Variants in KNTC1 observed in about 807,000 individuals in gnomAD.
KNTC1 encodes kinetochore-associated protein 1.
In KNTC1, 253 loss-of-function variants were observed where a neutral mutation model predicts 314.4. The ratio of observed to expected loss-of-function variants is 0.80; its 90% CI spans 0.73 to 0.89. KNTC1 has a LOEUF of 0.89. Ranked by LOEUF, KNTC1 falls within the 40% of genes least tolerant of loss-of-function variation. KNTC1 has a pLI of 0.00. For missense variants in KNTC1, 2,475 were observed against 2,572.9 expected (o/e 0.96, Z 0.82); for synonymous variants, 901 against 901.4 (o/e 1.00, Z 0.01).
intron 3 of KNTC1, among the ~76,000 whole-genome samples, chr12:122,536,328 A>G (rs544159322): frequency 6.6e-6 from 1 of 150,396 alleles, no homozygotes; most frequent in Non-Finnish European, 1.5e-5. Context: ...CCAGGGTCCA[A>G]GCAATTCTCC....
intron 43 of KNTC1, among the ~76,000 whole-genome samples, chr12:122,594,649 C>G (rs1870782532): frequency 6.6e-6 from 1 of 152,192 alleles, no homozygotes; most frequent in Non-Finnish European, 1.5e-5. Context: ...CTGGGCCTCT[C>G]TGGCAGTTCT....
chr12:122,596,657 A>G (rs2138079280), intron 43 of KNTC1, among the ~76,000 whole-genome samples: 1 of 152,156 alleles, frequency 6.6e-6, no homozygotes, highest in South Asian at 2.1e-4. Context: ...CCTTGGTGAC[A>G]TAGTGAGAGC....
intron 44 of KNTC1, among the ~76,000 whole-genome samples, chr12:122,601,322 T>TG (rs1223564582): frequency 2.0e-5 from 3 of 152,142 alleles, no homozygotes; most frequent in African/African-American, 4.8e-5. Flanking sequence ...CCTGACCTCG[T>TG]GATCCACCCG....
rs769352525 is a variant in KNTC1, at chr12:122,586,743, G to A, written c.3716G>A (p.Cys1239Tyr). Residue 1239 changes from cysteine to tyrosine, a missense_variant, in exon 38 of 64, where the codon TGC becomes TAC. Cys to Tyr is a radical substitution (Grantham distance 194). Coordinates refer to ENST00000333479, the MANE Select transcript of KNTC1 (RefSeq NM_014708.6). ...YPLESTSLPY[C>Y]SLNEGDGLVL... ...TTGGAGTCTACCAGTTTGCCATACT[G>A]CTCCCTTAATGAAGGTATTTGGCAC... The A allele has an allele frequency of 7.6e-6, 11 of 1,456,750 alleles. No individual in the cohort carries two copies. The African/African-American group carries it at 8.6e-5, about 11-fold the overall frequency. The allele number at this position is 1,456,750 out of a possible 1,614,324, so 90.2% of individuals were successfully genotyped here.
At chr12:122,535,337 A>G (rs566734502) in intron 3 of KNTC1, among the ~76,000 whole-genome samples, 3 of 152,160 alleles carry the variant, frequency 2.0e-5, no homozygotes, top group Admixed American at 2.0e-4. Context: ...CAGCCTGGCC[A>G]ACATGGTGAA....
In KNTC1 at chr12:122,610,858, T is replaced by C; in HGVS notation, c.5580T>C (p.Tyr1860=). 6.2e-7 allele frequency: 1 copy of C among 1,613,614 alleles called. No individual in the cohort carries two copies. ...TCCTCCTGTCTCGTCCAATTGATTA[T>C]AGTTCAAGAATGCTGTTTGTATTTG... ...QYLLLSRPID[Y]SSRMLFVFAT... The change falls in exon 53 of 64, where the codon TAT becomes TAC. Residue 1860 remains tyrosine, a synonymous_variant. Coordinates refer to ENST00000333479, the MANE Select transcript of KNTC1 (RefSeq NM_014708.6).
chr12:122,554,586 T>C (rs890288928), intron 16 of KNTC1, among the ~76,000 whole-genome samples: 1 of 152,264 alleles, frequency 6.6e-6, no homozygotes, highest in East Asian at 1.9e-4. Flanking sequence ...ATTATTATTA[T>C]AGTATTTATA....
chr12:122,548,125 A>G (rs1962924078), intron 12 of KNTC1, among the ~76,000 whole-genome samples, 156 bp downstream of exon 12: 1 of 152,250 alleles, frequency 6.6e-6, no homozygotes, highest in Non-Finnish European at 1.5e-5. Context: ...TTTTTAAAGT[A>G]AAAAGCTGTA....
At chr12:122,548,062 T>A in intron 12 of KNTC1, 93 bp downstream of exon 12, 1 of 660,494 alleles carries the variant, frequency 1.5e-6, no homozygotes, top group South Asian at 2.1e-5. Flanking sequence ...TACAGCATAT[T>A]AGCTCTTAGT....
intron 18 of KNTC1, 44 bp downstream of exon 18, chr12:122,557,733 A>T: frequency 7.5e-7 from 1 of 1,331,168 alleles, no homozygotes; most frequent in Non-Finnish European, 1.1e-6. Flanking sequence ...GGCAGGGGAG[A>T]ATTTGCTTTA....
At chr12:122,591,159 C>T (rs1304438180) in intron 41 of KNTC1, among the ~76,000 whole-genome samples, 178 bp from the exon 42 acceptor site, 2 of 152,028 alleles carry the variant, frequency 1.3e-5, no homozygotes, top group African/African-American at 4.8e-5. Context: ...TAGCATTATA[C>T]GAAAACCTGA....
intron 20 of KNTC1, 109 bp from the exon 21 acceptor site, chr12:122,568,152 C>T: frequency 4.7e-6 from 3 of 634,336 alleles, no homozygotes; most frequent in African/African-American, 1.9e-5. Flanking sequence ...TTTGTTTTTA[C>T]CTTTATGAAG....
At position 122,597,613 on chromosome 12, in the gene KNTC1, G is replaced by C. The variant is rs948969422; in HGVS notation, c.4356-118G>C. ...AGGTAGTTTGTCTGATTTTGAGACTGGACAATGACAAGGTTAAATTTCAAC... is the reference window on the plus strand; with the variant it reads ...AGGTAGTTTGTCTGATTTTGAGACTCGACAATGACAAGGTTAAATTTCAAC... On this transcript the variant is annotated intron_variant, in intron 43 of 63. Coordinates refer to ENST00000333479, the MANE Select transcript of KNTC1 (RefSeq NM_014708.6). 6 of 807,130 alleles carry C rather than the reference G, an allele frequency of 7.4e-6. No homozygotes were observed. In the African/African-American group the frequency reaches 1.0e-4, roughly 14 times the overall value. 50.0% of individuals were successfully genotyped at this position (807,130 alleles called of 1,614,324 possible). A position where few individuals can be genotyped will look rare whatever the true frequency, so the allele number is the denominator to read the frequency against.
chr12:122,538,659 G>T (rs924425475), intron 4 of KNTC1, among the ~76,000 whole-genome samples: 1 of 152,100 alleles, frequency 6.6e-6, no homozygotes, highest in Non-Finnish European at 1.5e-5. Context: ...AGGTCAAACA[G>T]AAATTTTCCC....
chr12:122,544,958 G>T (rs531380687), intron 8 of KNTC1, among the ~76,000 whole-genome samples: 4 of 152,122 alleles, frequency 2.6e-5, no homozygotes, highest in Non-Finnish European at 5.9e-5. Context: ...GGCTAGCTAG[G>T]CTACTTGCAA....
chr12:122,625,615 G>T (rs1422840296), intron 63 of KNTC1, among the ~76,000 whole-genome samples: 2 of 150,902 alleles, frequency 1.3e-5, no homozygotes, highest in Non-Finnish European at 3.0e-5. Flanking sequence ...AGGAAAAAGA[G>T]AAATATGAAA....
intron 51 of KNTC1, among the ~76,000 whole-genome samples, chr12:122,606,268 T>C (rs1006162113): frequency 2.1e-5 from 3 of 144,078 alleles, no homozygotes; most frequent in African/African-American, 5.1e-5. Flanking sequence ...TACTCTGTCA[T>C]CCAGTCTGGA....
intron 6 of KNTC1, among the ~76,000 whole-genome samples, chr12:122,542,418 T>C (rs1962412463): frequency 6.6e-6 from 1 of 152,176 alleles, no homozygotes; most frequent in Non-Finnish European, 1.5e-5. Context: ...CAATAGTAAA[T>C]ACTTTTTAAT....
intron 19 of KNTC1, among the ~76,000 whole-genome samples, 193 bp from the exon 20 acceptor site, chr12:122,562,439 TTGTGTG>T (rs4039211): frequency 0.27 from 39,629 of 144,784 alleles, 5,957 homozygotes; most frequent in Non-Finnish European, 0.34. Flanking sequence ...ATCCCATGTT[TTGTGTG>T]TGTGTGTGTG....
Sources: allele counts gnomAD v4.1 joint callset (sites outside exome capture counted in the v4.1 genomes callset), GRCh38; gene constraint gnomAD v4.1.1; transcripts MANE v1.5; gene names NCBI Gene and HGNC (gene_info 2026-07-23, HGNC 2026-07-21).